The following CCSER1 variants were observed in gnomAD, a reference collection of about 807,000 sequenced individuals.
CCSER1 encodes serine-rich coiled-coil domain-containing protein 1.
Under a neutral mutation model 82.0 loss-of-function variants are expected in CCSER1, and 41 were observed. The ratio of observed to expected loss-of-function variants is 0.50; its 90% CI spans 0.39 to 0.65. The LOEUF is 0.65. Among genes scored for constraint, CCSER1 ranks in the 30% least tolerant of loss-of-function variants. The pLI, the probability that CCSER1 is intolerant of heterozygous loss-of-function variation, is 0.00. For synonymous variants in CCSER1, 414 were observed against 383.9 expected (o/e 1.08, Z -0.92); for missense variants, 1,119 against 1,064.2 (o/e 1.05, Z -0.72).
At chr4:91,396,320 T>C (rs1751977752) in intron 10 of CCSER1, among the ~76,000 whole-genome samples, 1 of 152,104 alleles carries the variant, frequency 6.6e-6, no homozygotes, top group African/African-American at 2.4e-5. Context: ...TGGATAAAGT[T>C]CTGGAATTAC....
At chr4:91,180,268 TGAG>T (rs1733871945) in intron 10 of CCSER1, among the ~76,000 whole-genome samples, 2 of 152,300 alleles carry the variant, frequency 1.3e-5, no homozygotes, top group African/African-American at 2.4e-5. Context: ...GGGACTGACT[TGAG>T]GAGGCAATCT....
intron 10 of CCSER1, among the ~76,000 whole-genome samples, chr4:91,531,962 C>T (rs1385909080): frequency 6.6e-6 from 1 of 152,168 alleles, no homozygotes; most frequent in East Asian, 1.9e-4. Flanking sequence ...AAATTTCTAC[C>T]TCGGTCTCCC....
chr4:90,836,816 C>G (rs1397399376), intron 8 of CCSER1, among the ~76,000 whole-genome samples: 3 of 152,210 alleles, frequency 2.0e-5, no homozygotes, highest in African/African-American at 7.2e-5. Context: ...GGAGAATGAT[C>G]TAAATCAGAT....
At chr4:90,765,465 T>G (rs905446271) in intron 7 of CCSER1, among the ~76,000 whole-genome samples, 2 of 152,146 alleles carry the variant, frequency 1.3e-5, no homozygotes, top group Admixed American at 6.6e-5. Flanking sequence ...TACCCAAAGC[T>G]CCCTCCAGAT....
chr4:90,879,354 C>T (rs182723187), intron 8 of CCSER1, among the ~76,000 whole-genome samples: 316 of 152,152 alleles, frequency 2.1e-3, no homozygotes, highest in Non-Finnish European at 2.8e-3. Context: ...TGGGTTTTGC[C>T]TTCCTGTTGA....
chr4:91,249,947 T>TAA (rs200357623), intron 10 of CCSER1, among the ~76,000 whole-genome samples: 3 of 123,794 alleles, frequency 2.4e-5, no homozygotes, highest in South Asian at 2.4e-4. Context: ...TAGTCCTGAA[T>TAA]AATAAAAAAA....
At chr4:90,628,869 A>C (rs543845876) in intron 6 of CCSER1, among the ~76,000 whole-genome samples, 13 of 152,282 alleles carry the variant, frequency 8.5e-5, no homozygotes, top group African/African-American at 2.6e-4. Context: ...TAATTACAAC[A>C]GTTGTTTTAT....
chr4:91,455,478 C>T (rs1444462526), intron 10 of CCSER1, among the ~76,000 whole-genome samples: 1 of 152,006 alleles, frequency 6.6e-6, no homozygotes, highest in Admixed American at 6.6e-5. Context: ...CTTCTTCTGA[C>T]ATGTGAGAAT....
chr4:90,484,983 A>G (rs1052803540), intron 5 of CCSER1, among the ~76,000 whole-genome samples: 1 of 152,172 alleles, frequency 6.6e-6, no homozygotes, highest in African/African-American at 2.4e-5. Context: ...GGTGGAGGCT[A>G]TGGGGCAGGC....
chr4:90,178,502 T>C (rs1392529577), intron 1 of CCSER1, among the ~76,000 whole-genome samples: 1 of 152,160 alleles, frequency 6.6e-6, no homozygotes, highest in African/African-American at 2.4e-5. Flanking sequence ...AAGGCTTTGC[T>C]GGAAAACTCG....
intron 10 of CCSER1, among the ~76,000 whole-genome samples, chr4:91,551,118 A>G (rs918110923): frequency 2.0e-5 from 3 of 152,092 alleles, no homozygotes; most frequent in Admixed American, 6.6e-5. Flanking sequence ...TTACTTATAT[A>G]CTATATATTT....
chr4:90,915,351 C>T (rs997366984), intron 8 of CCSER1, among the ~76,000 whole-genome samples: 7 of 151,964 alleles, frequency 4.6e-5, no homozygotes, highest in South Asian at 2.1e-4. Flanking sequence ...GGATGTGAGG[C>T]GGTTCAGCAT....
At chr4:90,387,900 G>T (rs550097529) in intron 3 of CCSER1, among the ~76,000 whole-genome samples, 4 of 152,140 alleles carry the variant, frequency 2.6e-5, no homozygotes, top group African/African-American at 9.6e-5. Flanking sequence ...AGCCAGTTCT[G>T]TGAGTCCTTT....
At chr4:91,462,441 A>T (rs1343511477) in intron 10 of CCSER1, among the ~76,000 whole-genome samples, 2 of 152,262 alleles carry the variant, frequency 1.3e-5, no homozygotes, top group African/African-American at 4.8e-5. Context: ...GCCACGCAGA[A>T]GATGGGTGAT....
chr4:90,461,072 T>C (rs1434208621), intron 4 of CCSER1, among the ~76,000 whole-genome samples: 2 of 105,776 alleles, frequency 1.9e-5, no homozygotes, highest in East Asian at 4.4e-4. Context: ...TTTTTTTTTT[T>C]TTTTTTTTTT....
chr4:90,811,597 T>A (rs1307691585), intron 7 of CCSER1, among the ~76,000 whole-genome samples: 3 of 152,024 alleles, frequency 2.0e-5, no homozygotes, highest in Non-Finnish European at 4.4e-5. Context: ...AGTGAAGAAG[T>A]GGAGATTAAA....
intron 3 of CCSER1, among the ~76,000 whole-genome samples, chr4:90,394,181 C>G (rs976843564): frequency 1.8e-4 from 27 of 150,890 alleles, no homozygotes; most frequent in Non-Finnish European, 5.9e-5. Flanking sequence ...TTGATTCACA[C>G]TAACCAAACA....
chr4:90,202,929 G>C (rs538973199), intron 1 of CCSER1, among the ~76,000 whole-genome samples: 1 of 152,026 alleles, frequency 6.6e-6, no homozygotes, highest in African/African-American at 2.4e-5. Flanking sequence ...ATATTATTTT[G>C]TTAAAATGTC....
chr4:90,734,133 T>G (rs1025520174), intron 7 of CCSER1, among the ~76,000 whole-genome samples: 1 of 151,814 alleles, frequency 6.6e-6, no homozygotes, highest in Non-Finnish European at 1.5e-5. Context: ...ATTAATTAAT[T>G]TATTTATTTT....
Sources: gnomAD v4.1 joint callset for allele counts (sites outside exome capture counted in the v4.1 genomes callset) on GRCh38, gnomAD v4.1.1 for gene constraint, MANE v1.5 for transcripts, NCBI Gene and HGNC (gene_info 2026-07-23, HGNC 2026-07-21) for gene names.